The following ZNF589 variants were observed in gnomAD, a reference collection of about 807,000 sequenced individuals.
ZNF589 encodes KRAB-zinc finger protein SZF1-1.
A neutral mutation model predicts 13.6 loss-of-function variants in ZNF589; 17 were observed. That is an observed-to-expected ratio of 1.25 (90% CI 0.86 to 1.88). The LOEUF (loss-of-function observed/expected upper bound fraction) is 1.88. ZNF589 is among the 40% of genes most tolerant of loss of function. The pLI is 0.00. For missense variants in ZNF589, 407 were observed against 434.0 expected, an observed-to-expected ratio of 0.94 and a Z score of 0.55; for synonymous variants, 148 against 161.6, an observed-to-expected ratio of 0.92 and a Z score of 0.64.
At chr3:48,242,521 C>G (rs1391481222) in intron 1 of ZNF589, among the ~76,000 whole-genome samples, 1 of 151,942 alleles carries the variant, frequency 6.6e-6, no homozygotes, top group East Asian at 2.0e-4. Context: ...CCAGGCTGGT[C>G]TCCAACTCCT....
At chr3:48,264,331 G>A (rs1313372700) in intron 3 of ZNF589, among the ~76,000 whole-genome samples, 6 of 151,410 alleles carry the variant, frequency 4.0e-5, no homozygotes, top group Admixed American at 6.6e-5. Context: ...TCAGGATTTC[G>A]AGACCGGCAT....
In ZNF589 at chr3:48,242,119, C is replaced by CT. The variant is rs372025252; in HGVS notation, c.43+914dup. On this transcript the variant is annotated intron_variant, in intron 1 of 3. Transcript: ENST00000354698. Reference sequence around the variant, plus strand: ...TAGCCACCCCACCCGGCCCAAAAGACTTTTTTTTTGGAGACAGAGTCTTGC... The same window carrying CT: ...TAGCCACCCCACCCGGCCCAAAAGACTTTTTTTTTTGGAGACAGAGTCTTGC... Among the ~76,000 whole-genome samples, 54 of 149,404 alleles carry CT rather than the reference C, an allele frequency of 3.6e-4. 1 individual carries two copies. The highest frequency in any genetic ancestry group is 1.1e-3 in the African/African-American group (43 of 40,704).
At chr3:48,246,589 C>T (rs974266647) in intron 1 of ZNF589, among the ~76,000 whole-genome samples, 3 of 152,290 alleles carry the variant, frequency 2.0e-5, no homozygotes, top group Admixed American at 6.5e-5. Flanking sequence ...GGATTACAGG[C>T]GTGAGCCACT....
Position 48,269,117 on chromosome 3 carries a change from G to A in ZNF589, c.*331G>A. 1 of 685,728 alleles carries A rather than the reference G, an allele frequency of 1.5e-6. No homozygotes were observed. The highest frequency in any genetic ancestry group is 2.5e-6 in the Non-Finnish European group (1 of 401,846). 42.5% of individuals were successfully genotyped at this position (685,728 alleles called of 1,614,324 possible). On this transcript the variant is annotated 3_prime_UTR_variant, in exon 4 of 4. Transcript: ENST00000354698. ...GGGAGAGAAGCCTTACACGTGCTTT[G>A]AGTGTGGGCGAAACTTTAGCCTCAA... is the stretch of plus-strand genomic sequence containing the variant.
At chr3:48,252,413 G>A (rs1198848533) in intron 2 of ZNF589, among the ~76,000 whole-genome samples, 7 of 150,990 alleles carry the variant, frequency 4.6e-5, no homozygotes, top group African/African-American at 1.7e-4. Context: ...GGATGGTCTC[G>A]ATCTCCTGAC....
At chr3:48,253,934 T>G (rs1226287487) in intron 2 of ZNF589, among the ~76,000 whole-genome samples, 1 of 152,122 alleles carries the variant, frequency 6.6e-6, no homozygotes, top group African/African-American at 2.4e-5. Context: ...CTATAAAAAA[T>G]TAAGAAATTT....
At chr3:48,250,831 C>T (rs983453835) in intron 2 of ZNF589, among the ~76,000 whole-genome samples, 2 of 152,074 alleles carry the variant, frequency 1.3e-5, no homozygotes, top group East Asian at 3.9e-4. Flanking sequence ...CCTGCCTATT[C>T]GTTTTCTTAA....
At chr3:48,255,960 G>A (rs989668885) in intron 2 of ZNF589, among the ~76,000 whole-genome samples, 1 of 152,042 alleles carries the variant, frequency 6.6e-6, no homozygotes, top group Non-Finnish European at 1.5e-5. Flanking sequence ...TGTATCAAAT[G>A]ATATGATCAT....
intron 2 of ZNF589, among the ~76,000 whole-genome samples, chr3:48,250,440 T>C (rs1343317854): frequency 1.3e-5 from 2 of 150,232 alleles, no homozygotes; most frequent in African/African-American, 4.9e-5. Flanking sequence ...GTGTGATCCA[T>C]TGCACTTGGC....
intron 2 of ZNF589, among the ~76,000 whole-genome samples, chr3:48,258,335 C>T (rs2033931905): frequency 6.6e-6 from 1 of 152,200 alleles, no homozygotes; most frequent in South Asian, 2.1e-4. Flanking sequence ...CGTTGTTAAT[C>T]TATATGAATA....
At chr3:48,264,532 A>G (rs1260660033) in intron 3 of ZNF589, among the ~76,000 whole-genome samples, 1 of 150,908 alleles carries the variant, frequency 6.6e-6, no homozygotes, top group Non-Finnish European at 1.5e-5. Context: ...GACTATGTCT[A>G]AAAAAAAATA....
At chr3:48,241,341 C>T in intron 1 of ZNF589, 127 bp downstream of exon 1, 1 of 1,221,046 alleles carries the variant, frequency 8.2e-7, no homozygotes. Flanking sequence ...ACTACCCCTA[C>T]AGCGGCTCTT....
In ZNF589 at chr3:48,269,118, A is replaced by T; in HGVS notation, c.*332A>T. On this transcript the variant is annotated 3_prime_UTR_variant, in exon 4 of 4. Coordinates refer to ENST00000354698, the MANE Select transcript of ZNF589 (RefSeq NM_016089.3). ...GGAGAGAAGCCTTACACGTGCTTTG[A>T]GTGTGGGCGAAACTTTAGCCTCAAG... 1 of 684,746 alleles carries T rather than the reference A, an allele frequency of 1.5e-6. No individual in the cohort carries two copies. The highest frequency in any genetic ancestry group is 2.5e-6 in the Non-Finnish European group (1 of 401,404). The allele number at this position is 684,746 out of a possible 1,614,324, so 42.4% of individuals were successfully genotyped here. A position where few individuals can be genotyped will look rare whatever the true frequency, so the allele number is the denominator to read the frequency against.
At chr3:48,263,997 T>G (rs1181119796) in intron 3 of ZNF589, among the ~76,000 whole-genome samples, 1 of 152,158 alleles carries the variant, frequency 6.6e-6, no homozygotes, top group Non-Finnish European at 1.5e-5. Flanking sequence ...TCTGCATTCT[T>G]AGAATATACC....
chr3:48,259,575 T>TGAGTCAGAGAAGAGGTACTCAGGG (rs1327246924), intron 2 of ZNF589, among the ~76,000 whole-genome samples: 3 of 152,166 alleles, frequency 2.0e-5, no homozygotes, highest in Non-Finnish European at 4.4e-5. Context: ...AGGAAGAAGC[T>TGAGTCAGAGAAGAGGTACTCAGGG]GAGTCAGAGA....
chr3:48,259,214 T>C (rs1360078429), intron 2 of ZNF589, among the ~76,000 whole-genome samples: 1 of 152,232 alleles, frequency 6.6e-6, no homozygotes, highest in Non-Finnish European at 1.5e-5. Flanking sequence ...CCTGGGCTGC[T>C]GGCTATAGAT....
At chr3:48,245,179 C>T (rs1381531974) in intron 1 of ZNF589, among the ~76,000 whole-genome samples, 1 of 151,938 alleles carries the variant, frequency 6.6e-6, no homozygotes, top group Non-Finnish European at 1.5e-5. Flanking sequence ...ATGGTGTGAT[C>T]TCTCACTTCA....
At chr3:48,267,214 T>C (rs2034027403) in intron 3 of ZNF589, among the ~76,000 whole-genome samples, 1 of 152,208 alleles carries the variant, frequency 6.6e-6, no homozygotes, top group Admixed American at 6.5e-5. Flanking sequence ...CTTCCCTGTT[T>C]TCCACAAGTC....
At position 48,269,223 on chromosome 3, in the gene ZNF589, C is replaced by A; in HGVS notation, c.*437C>A. The A allele has an allele frequency of 7.3e-7, 1 of 1,375,046 alleles. No homozygotes were observed. Among genetic ancestry groups the A allele is most frequent in the Non-Finnish European group, 9.9e-7 (1 of 1,011,048 alleles). The allele number at this position is 1,375,046 out of a possible 1,614,324, so 85.2% of individuals were successfully genotyped here. ...ACGGAGTGTGGGCAAGGCTTTATCA[C>A]GAAATCACAGCTCATCAGACACCAG... On this transcript the variant is annotated 3_prime_UTR_variant, in exon 4 of 4. Transcript: ENST00000354698.
Sources: allele counts gnomAD v4.1 joint callset (sites outside exome capture counted in the v4.1 genomes callset), GRCh38; gene constraint gnomAD v4.1.1; transcripts MANE v1.5; gene names NCBI Gene and HGNC (gene_info 2026-07-23, HGNC 2026-07-21).